GPR158: variants seen among roughly 807,000 people sequenced by gnomAD.
GPR158 encodes the protein metabotropic glycine receptor.
A neutral mutation model predicts 78.2 loss-of-function variants in GPR158; 30 were observed. That is an observed-to-expected ratio of 0.38 (90% CI 0.29 to 0.52). The LOEUF is 0.52. Among genes scored for constraint, GPR158 ranks in the 20% least tolerant of loss-of-function variants. The probability of loss-of-function intolerance (pLI) is 0.83; values close to 1 mark genes in which losing one functional copy is unlikely to be tolerated. For missense variants in GPR158, 1,463 were observed against 1,523.5 expected (o/e 0.96, Z 0.66); for synonymous variants, 581 against 591.1 (o/e 0.98, Z 0.25).
chr10:25,364,660 G>A (rs751589800), intron 2 of GPR158, among the ~76,000 whole-genome samples: 2 of 151,712 alleles, frequency 1.3e-5, no homozygotes, highest in Non-Finnish European at 1.5e-5. Context: ...TTTCCTGTCT[G>A]AATTTTATGT....
rs1158474562 is a variant in GPR158, at chr10:25,599,505, A to C, written c.*231A>C. On this transcript the variant is annotated 3_prime_UTR_variant, in exon 11 of 11. Coordinates refer to ENST00000376351, the MANE Select transcript of GPR158 (RefSeq NM_020752.3). ...TCCTTCCCTTGGTAACACTAGGAAA[A>C]TCTTTCCATTTCAGCATGTTTAAGG... The C allele has an allele frequency of 7.8e-6, 4 of 509,978 alleles. No individual in the cohort carries two copies. Among genetic ancestry groups the C allele is most frequent in the Non-Finnish European group, 1.4e-5 (4 of 287,118 alleles). The allele number at this position is 509,978 out of a possible 1,614,324, so 31.6% of individuals were successfully genotyped here.
At chr10:25,322,054 C>T (rs1854956511) in intron 2 of GPR158, among the ~76,000 whole-genome samples, 2 of 152,054 alleles carry the variant, frequency 1.3e-5, no homozygotes, top group Non-Finnish European at 2.9e-5. Context: ...ATTCAGACCA[C>T]GTTGTAGTTA....
intron 7 of GPR158, 147 bp from the exon 8 acceptor site, chr10:25,588,860 A>G (rs886392542): frequency 6.7e-6 from 3 of 449,160 alleles, no homozygotes; most frequent in Non-Finnish European, 1.2e-5. Context: ...TTAAAAATAT[A>G]TGGCATTTGT....
At chr10:25,422,046 C>T (rs1490738984) in intron 4 of GPR158, among the ~76,000 whole-genome samples, 1 of 152,210 alleles carries the variant, frequency 6.6e-6, no homozygotes, top group Non-Finnish European at 1.5e-5. Flanking sequence ...TCTGTATCCT[C>T]AAGTCGTTTG....
intron 4 of GPR158, among the ~76,000 whole-genome samples, chr10:25,413,242 G>C (rs1391352781): frequency 1.3e-5 from 2 of 152,186 alleles, no homozygotes; most frequent in Non-Finnish European, 2.9e-5. Flanking sequence ...TGAGAAAGGA[G>C]TATCTCTTGA....
At chr10:25,325,707 A>G (rs1229747882) in intron 2 of GPR158, among the ~76,000 whole-genome samples, 1 of 152,070 alleles carries the variant, frequency 6.6e-6, no homozygotes, top group Non-Finnish European at 1.5e-5. Flanking sequence ...TATAGTGGCT[A>G]TACTAATTTA....
intron 4 of GPR158, among the ~76,000 whole-genome samples, chr10:25,461,305 A>T (rs1372486605): frequency 6.6e-6 from 1 of 152,214 alleles, no homozygotes; most frequent in Non-Finnish European, 1.5e-5. Flanking sequence ...GGAAAAATTG[A>T]TGGGAATTAA....
intron 2 of GPR158, among the ~76,000 whole-genome samples, chr10:25,331,172 T>C (rs1855115224): frequency 6.6e-6 from 1 of 152,174 alleles, no homozygotes; most frequent in Non-Finnish European, 1.5e-5. Flanking sequence ...ACTCCTGGCC[T>C]CAACTAATCC....
intron 1 of GPR158, among the ~76,000 whole-genome samples, chr10:25,205,309 AT>A (rs55954118): frequency 0.17 from 18,251 of 106,500 alleles, 1,349 homozygotes; most frequent in East Asian, 0.28. Context: ...ATAGTGTTCT[AT>A]TTTTTTTTTT....
intron 2 of GPR158, among the ~76,000 whole-genome samples, chr10:25,342,799 A>T (rs1855320683): frequency 6.6e-6 from 1 of 150,636 alleles, no homozygotes; most frequent in African/African-American, 2.4e-5. Flanking sequence ...TTCTCAAATA[A>T]CTCAATTCTC....
chr10:25,197,781 A>G (rs551019349), intron 1 of GPR158, among the ~76,000 whole-genome samples: 4 of 152,306 alleles, frequency 2.6e-5, no homozygotes, highest in South Asian at 4.1e-4. Flanking sequence ...TTCTTCATCT[A>G]TAAAGTGAGA....
At chr10:25,368,798 A>G (rs1393669767) in intron 2 of GPR158, among the ~76,000 whole-genome samples, 2 of 144,736 alleles carry the variant, frequency 1.4e-5, no homozygotes, top group African/African-American at 5.2e-5. Context: ...CTTCCTACCC[A>G]TGAGCATGGA....
In GPR158 at chr10:25,555,771, T is replaced by A. The variant is rs1220350913; in HGVS notation, c.1514+4686T>A. Among the ~76,000 whole-genome samples, 3 of 152,108 alleles carry A rather than the reference T, an allele frequency of 2.0e-5. No homozygotes were observed. In the East Asian group the frequency reaches 5.8e-4, roughly 29 times the overall value. On this transcript the variant is annotated intron_variant, in intron 6 of 10. Transcript: ENST00000376351. ...AAAAAAACAAAATACTTTTTTTTTG[T>A]ACTATGTTTCAAATGAATTTTTAAG... is the stretch of plus-strand genomic sequence containing the variant.
chr10:25,529,863 G>A (rs901891333), intron 5 of GPR158, among the ~76,000 whole-genome samples: 6 of 152,104 alleles, frequency 3.9e-5, no homozygotes, highest in East Asian at 3.8e-4. Flanking sequence ...GACCTGCCCC[G>A]TTCTGCCCAT....
At chr10:25,308,125 G>A (rs1283324265) in intron 2 of GPR158, among the ~76,000 whole-genome samples, 1 of 152,046 alleles carries the variant, frequency 6.6e-6, no homozygotes, top group African/African-American at 2.4e-5. Flanking sequence ...TTTAATATTG[G>A]TAAAGGGTGC....
At chr10:25,255,130 C>A (rs1037109127) in intron 2 of GPR158, among the ~76,000 whole-genome samples, 28 of 152,190 alleles carry the variant, frequency 1.8e-4, no homozygotes, top group African/African-American at 6.8e-4. Context: ...CTGTTTTTCT[C>A]TTTGCAAATA....
At chr10:25,335,329 G>A (rs1207699750) in intron 2 of GPR158, among the ~76,000 whole-genome samples, 1 of 151,974 alleles carries the variant, frequency 6.6e-6, no homozygotes, top group East Asian at 1.9e-4. Context: ...TTTTTGCATA[G>A]GGATAGAAAT....
chr10:25,517,212 C>T (rs1359612081), intron 5 of GPR158, among the ~76,000 whole-genome samples: 1 of 148,330 alleles, frequency 6.7e-6, no homozygotes, highest in East Asian at 2.0e-4. Context: ...GATTTTTGTA[C>T]ATTGATTTTG....
intron 2 of GPR158, among the ~76,000 whole-genome samples, chr10:25,366,949 G>A (rs1023498250): frequency 6.6e-6 from 1 of 151,444 alleles, no homozygotes; most frequent in Non-Finnish European, 1.5e-5. Flanking sequence ...CTTTTATATT[G>A]TAGCTATAGA....
Sources: allele counts gnomAD v4.1 joint callset (sites outside exome capture counted in the v4.1 genomes callset), GRCh38; gene constraint gnomAD v4.1.1; transcripts MANE v1.5; gene names NCBI Gene and HGNC (gene_info 2026-07-23, HGNC 2026-07-21).